The following CEP85L variants were observed in gnomAD, a reference collection of about 807,000 sequenced individuals.
CEP85L encodes the protein centrosomal protein 85L.
Under a neutral mutation model 100.3 loss-of-function variants are expected in CEP85L, and 60 were observed. That is an observed-to-expected ratio of 0.60 (90% CI 0.49 to 0.74). The LOEUF is 0.74. CEP85L is among the 30% of genes least tolerant of loss of function. The probability of loss-of-function intolerance (pLI) is 0.00; values close to 1 mark genes in which losing one functional copy is unlikely to be tolerated. For synonymous variants in CEP85L, 319 were observed against 322.7 expected (o/e 0.99, Z 0.12); for missense variants, 973 against 936.2 (o/e 1.04, Z -0.51).
At chr6:118,602,326 C>T (rs1299564569) in intron 2 of CEP85L, among the ~76,000 whole-genome samples, 1 of 152,150 alleles carries the variant, frequency 6.6e-6, no homozygotes, top group East Asian at 1.9e-4. Flanking sequence ...AGTGTAACAG[C>T]AATATATTCC....
intron 1 of CEP85L, among the ~76,000 whole-genome samples, chr6:118,646,553 C>T (rs1001430101): frequency 2.6e-5 from 4 of 151,926 alleles, no homozygotes; most frequent in African/African-American, 9.7e-5. Flanking sequence ...CCTCTAATCC[C>T]AGATACTCGG....
At chr6:118,641,904 A>G (rs982254175) in intron 1 of CEP85L, among the ~76,000 whole-genome samples, 18 of 152,190 alleles carry the variant, frequency 1.2e-4, no homozygotes, top group Non-Finnish European at 2.4e-4. Flanking sequence ...ATAACCATTG[A>G]TCCCCATAAG....
intron 1 of CEP85L, among the ~76,000 whole-genome samples, chr6:118,645,446 G>C (rs1449151510): frequency 1.3e-5 from 2 of 152,206 alleles, no homozygotes; most frequent in African/African-American, 2.4e-5. Flanking sequence ...GCCCAGGCAG[G>C]AGATCACTTG....
At chr6:118,669,549 T>G (rs1776232369) in intron 1 of CEP85L, among the ~76,000 whole-genome samples, 1 of 152,168 alleles carries the variant, frequency 6.6e-6, no homozygotes, top group African/African-American at 2.4e-5. Flanking sequence ...TTACCTACTT[T>G]TAAATAACCA....
At position 118,551,990 on chromosome 6, in the gene CEP85L, T is replaced by C. The variant is rs112329078; in HGVS notation, c.1020+13539A>G. 4.3e-3 allele frequency among the ~76,000 whole-genome samples: 660 copies of C among 152,122 alleles called. 8 individuals are homozygous for C. Among genetic ancestry groups the C allele is most frequent in the African/African-American group, 0.015 (639 of 41,540 alleles). On this transcript the variant is annotated intron_variant, in intron 3 of 12. Coordinates refer to ENST00000368491, the MANE Select transcript of CEP85L (RefSeq NM_001042475.3). ...TGCACATTCACTTATGGCTTATCAGTGGAAATGTCAGAAAGTAGTAGAAAA... is the reference window on the plus strand; with the variant it reads ...TGCACATTCACTTATGGCTTATCAGCGGAAATGTCAGAAAGTAGTAGAAAA...
intron 2 of CEP85L, among the ~76,000 whole-genome samples, chr6:118,603,329 C>A (rs921315616): frequency 1.3e-5 from 2 of 152,178 alleles, no homozygotes; most frequent in Non-Finnish European, 2.9e-5. Flanking sequence ...CCTCAAGGGA[C>A]TTTAATTGGC....
chr6:118,505,654 T>C (rs569931188), intron 5 of CEP85L, among the ~76,000 whole-genome samples: 2 of 152,272 alleles, frequency 1.3e-5, no homozygotes, highest in South Asian at 4.2e-4. Flanking sequence ...GAATAGTATG[T>C]ACTATATGAT....
At chr6:118,690,474 G>T (rs1257636078) in intron 1 of CEP85L, among the ~76,000 whole-genome samples, 4 of 144,050 alleles carry the variant, frequency 2.8e-5, no homozygotes, top group Non-Finnish European at 4.5e-5. Context: ...TTCCACAGGA[G>T]TGAGTCCATC....
At chr6:118,630,521 C>A (rs1774077860) in intron 2 of CEP85L, among the ~76,000 whole-genome samples, 1 of 152,198 alleles carries the variant, frequency 6.6e-6, no homozygotes, top group South Asian at 2.1e-4. Context: ...TTGCCAAAAC[C>A]TGGAAACAAC....
chr6:118,634,725 A>T (rs1047127486), intron 1 of CEP85L, among the ~76,000 whole-genome samples: 5 of 151,892 alleles, frequency 3.3e-5, no homozygotes, highest in Non-Finnish European at 7.4e-5. Context: ...CTATACCAAA[A>T]TTTTTTTTCA....
chr6:118,509,988 T>G (rs931860799), intron 5 of CEP85L, among the ~76,000 whole-genome samples: 1 of 152,126 alleles, frequency 6.6e-6, no homozygotes, highest in African/African-American at 2.4e-5. Flanking sequence ...TAACCTCATT[T>G]ACATTTCTAT....
intron 5 of CEP85L, chr6:118,501,825 AG>A: frequency 7.7e-7 from 1 of 1,290,326 alleles, no homozygotes; most frequent in Non-Finnish European, 1.1e-6. Context: ...AGAGAGAGAG[AG>A]AGAGAGGACT....
rs1315668792 is a variant in CEP85L at position 118,662,128 on chromosome 6, AG to A, written c.-27-9321del. ...TAAGAAAAGGGGCGAATAATTCACAAGAAAAACCAGAGTAATGATAAAAGGT... is the reference window on the plus strand; with the variant it reads ...TAAGAAAAGGGGCGAATAATTCACAAAAAAACCAGAGTAATGATAAAAGGT... On this transcript the variant is annotated intron_variant, in intron 1 of 13. Coordinates refer to the CEP85L transcript ENST00000368488. Among the ~76,000 whole-genome samples, 4 of 152,372 alleles carry A rather than the reference AG, an allele frequency of 2.6e-5. No homozygotes were observed. In the East Asian group the frequency reaches 7.7e-4, roughly 29 times the overall value.
chr6:118,571,305 T>C (rs1779872844), intron 2 of CEP85L, among the ~76,000 whole-genome samples: 1 of 152,236 alleles, frequency 6.6e-6, no homozygotes, highest in Admixed American at 6.5e-5. Context: ...AACAGTGATA[T>C]CTGAAACCAA....
chr6:118,694,691 C>A (rs1188127514), intron 1 of CEP85L, among the ~76,000 whole-genome samples: 1 of 151,998 alleles, frequency 6.6e-6, no homozygotes, highest in Non-Finnish European at 1.5e-5. Flanking sequence ...GTTTTTCTTT[C>A]ATAGAAATAA....
intron 8 of CEP85L, 21 bp from the exon 9 acceptor site, chr6:118,480,534 A>G (rs1268091268): frequency 1.4e-6 from 2 of 1,446,278 alleles, no homozygotes; most frequent in Non-Finnish European, 1.9e-6. Flanking sequence ...AGACAATTAT[A>G]TGAAGAAAAT....
chr6:118,647,087 T>TACC (rs1237040414), intron 1 of CEP85L: 1 of 984,796 alleles, frequency 1.0e-6, no homozygotes, highest in Non-Finnish European at 1.2e-6. Context: ...GAGTTATGTT[T>TACC]CATTGTTACC....
At position 118,529,715 on chromosome 6, in the gene CEP85L, G is replaced by T. The variant is rs78450193; in HGVS notation, c.1021-5795C>A. Reference sequence around the variant, plus strand: ...TGAGGAGAAAAAGCCCTTTCCCTCTGACTATGATGCCATAGCAACTTTGAG... The same window carrying T: ...TGAGGAGAAAAAGCCCTTTCCCTCTTACTATGATGCCATAGCAACTTTGAG... On this transcript the variant is annotated intron_variant, in intron 3 of 12. Transcript: ENST00000368491. 3.6e-3 allele frequency among the ~76,000 whole-genome samples: 538 copies of T among 151,134 alleles called. 5 individuals are homozygous for T. The highest frequency in any genetic ancestry group is 0.012 in the African/African-American group (510 of 41,146).
intron 1 of CEP85L, among the ~76,000 whole-genome samples, chr6:118,686,752 T>C (rs1181694080): frequency 2.6e-5 from 4 of 152,208 alleles, no homozygotes; most frequent in African/African-American, 9.6e-5. Context: ...CACCTGCTCA[T>C]GGAAAAGACA....
Sources: gnomAD v4.1 joint callset for allele counts (sites outside exome capture counted in the v4.1 genomes callset) on GRCh38, gnomAD v4.1.1 for gene constraint, MANE v1.5 for transcripts, NCBI Gene and HGNC (gene_info 2026-07-23, HGNC 2026-07-21) for gene names.